Variants in STPG2 observed in about 807,000 individuals in gnomAD.
The protein encoded by STPG2 is sperm tail PG-rich repeat containing 2.
In STPG2, 56 loss-of-function variants were observed where a neutral mutation model predicts 54.2. That is an observed-to-expected ratio of 1.03 (90% confidence interval 0.83 to 1.29). The LOEUF (loss-of-function observed/expected upper bound fraction) is 1.29. Ranked by LOEUF, STPG2 falls within the 50% of genes most tolerant of loss-of-function variation. STPG2 has a pLI of 0.00. For synonymous variants in STPG2, 200 were observed against 181.8 expected, an observed-to-expected ratio of 1.10 and a Z score of -0.81; for missense variants, 596 against 544.9, an observed-to-expected ratio of 1.09 and a Z score of -0.93.
chr4:97,521,477 G>A (rs370353154), intron 4 of STPG2, among the ~76,000 whole-genome samples: 1 of 151,944 alleles, frequency 6.6e-6, no homozygotes, highest in East Asian at 1.9e-4. Flanking sequence ...GATCATTTGG[G>A]ATCATTACCC....
At chr4:97,983,656 A>G (rs765717450) in intron 5 of STPG2, among the ~76,000 whole-genome samples, 6 of 152,186 alleles carry the variant, frequency 3.9e-5, no homozygotes, top group Admixed American at 1.3e-4. Context: ...CCTACCCTGG[A>G]ATCAGTTATT....
chr4:97,872,143 AT>A (rs2149155610), intron 8 of STPG2, among the ~76,000 whole-genome samples: 1 of 151,230 alleles, frequency 6.6e-6, no homozygotes, highest in Non-Finnish European at 1.5e-5. Flanking sequence ...AAAATACTTT[AT>A]TGATAAAAAT....
chr4:98,106,148 C>A, intron 4 of STPG2, 84 bp from the exon 5 acceptor site: 1 of 950,990 alleles, frequency 1.1e-6, no homozygotes, highest in Non-Finnish European at 1.5e-6. Flanking sequence ...CTTTCTACAG[C>A]AACATGTCCT....
intron 4 of STPG2, among the ~76,000 whole-genome samples, chr4:97,484,525 C>T (rs1007286233): frequency 6.6e-6 from 1 of 151,676 alleles, no homozygotes; most frequent in African/African-American, 2.4e-5. Context: ...GAATTAGATA[C>T]TCTGAACACA....
At chr4:97,914,139 G>A (rs763295031) in intron 8 of STPG2, among the ~76,000 whole-genome samples, 21 of 152,118 alleles carry the variant, frequency 1.4e-4, no homozygotes, top group Admixed American at 5.9e-4. Context: ...CAACAAGCAC[G>A]AAAATCTCCC....
intron 4 of STPG2, among the ~76,000 whole-genome samples, chr4:97,539,222 G>T (rs1731626283): frequency 6.6e-6 from 1 of 152,166 alleles, no homozygotes; most frequent in Non-Finnish European, 1.5e-5. Flanking sequence ...TGGACTAAAT[G>T]CTCCAATTAA....
Position 98,038,429 on chromosome 4 carries a change from C to A in STPG2, c.613-57111G>T, listed in dbSNP as rs549511878. 7.9e-5 allele frequency among the ~76,000 whole-genome samples: 12 copies of A among 151,994 alleles called. No homozygotes were observed. In the South Asian group the frequency reaches 1.2e-3, roughly 16 times the overall value. On this transcript the variant is annotated intron_variant, in intron 5 of 10. Transcript: ENST00000295268. ...GAAACAATTTTTTTTTATTTTATTT[C>A]ATTTACTAGTACAATGTATATTACA...
intron 9 of STPG2, among the ~76,000 whole-genome samples, chr4:97,756,416 G>A (rs767999963): frequency 1.2e-4 from 19 of 152,220 alleles, no homozygotes; most frequent in African/African-American, 4.6e-4. Flanking sequence ...CCACCTCCTG[G>A]GTTCAAGCGA....
chr4:98,055,992 C>T (rs532532275), intron 5 of STPG2, among the ~76,000 whole-genome samples: 31 of 152,300 alleles, frequency 2.0e-4, no homozygotes, highest in African/African-American at 5.8e-4. Flanking sequence ...CCTCCCCATA[C>T]GGCAGCTTTC....
chr4:97,943,794 G>A (rs534447160), intron 8 of STPG2, 103 bp downstream of exon 8: 261 of 797,094 alleles, frequency 3.3e-4, no homozygotes, highest in East Asian at 7.9e-4. Flanking sequence ...GTTACAGCAC[G>A]CTACCAGTTA....
intron 10 of STPG2, among the ~76,000 whole-genome samples, chr4:97,597,246 C>A (rs1261566108): frequency 6.6e-6 from 1 of 151,788 alleles, no homozygotes; most frequent in Non-Finnish European, 1.5e-5. Context: ...TAATGAGTTG[C>A]AAAATTGAAT....
intron 4 of STPG2, among the ~76,000 whole-genome samples, chr4:97,497,246 A>T (rs1210097920): frequency 6.6e-6 from 1 of 151,944 alleles, no homozygotes; most frequent in African/African-American, 2.4e-5. Context: ...TAATTAGCAA[A>T]ACTCTTGATT....
At chr4:97,950,356 G>T (rs1733419858) in intron 7 of STPG2, among the ~76,000 whole-genome samples, 1 of 151,564 alleles carries the variant, frequency 6.6e-6, no homozygotes. Flanking sequence ...TTCAAGCACT[G>T]AAACTCTTTC....
chr4:98,105,041 T>C (rs991336324), intron 5 of STPG2, among the ~76,000 whole-genome samples: 3 of 152,238 alleles, frequency 2.0e-5, no homozygotes, highest in Admixed American at 1.3e-4. Context: ...CAAAGACTCA[T>C]ACGCTGCTGA....
chr4:97,972,417 T>C lies in STPG2; in HGVS notation c.796A>G (p.Asn266Asp), dbSNP rs778884270. The stretch of plus-strand genomic sequence containing the variant: ...CTAACACTGGCAATTATAGTATTGT[T>C]CAAGACATTATAAAATCCAGGACCT... ...MPGPGFYNVL[N>D]NTIIASVRNI... The change falls in exon 7 of 11, where the codon AAC becomes GAC. Residue 266 changes from asparagine to aspartate, a missense_variant. Asn to Asp is a conservative substitution (Grantham distance 23). Transcript: ENST00000295268. 5 of 1,567,708 alleles carry C rather than the reference T, an allele frequency of 3.2e-6. No homozygotes were observed. Among genetic ancestry groups the C allele is most frequent in the Non-Finnish European group, 4.3e-6 (5 of 1,155,946 alleles).
chr4:97,915,966 G>A (rs1731859359), intron 8 of STPG2, among the ~76,000 whole-genome samples: 1 of 152,082 alleles, frequency 6.6e-6, no homozygotes, highest in Non-Finnish European at 1.5e-5. Flanking sequence ...TAGCAGATGG[G>A]GCATAATTAG....
chr4:97,685,843 T>C (rs973482123), intron 10 of STPG2, among the ~76,000 whole-genome samples: 1 of 152,212 alleles, frequency 6.6e-6, no homozygotes, highest in Non-Finnish European at 1.5e-5. Context: ...AAAACTGCTC[T>C]AAAAATAATG....
chr4:97,461,489 T>C (rs919250407), intron 4 of STPG2, among the ~76,000 whole-genome samples: 9 of 152,178 alleles, frequency 5.9e-5, no homozygotes, highest in African/African-American at 2.2e-4. Context: ...CTAGCTAGCT[T>C]TCTTTTCATC....
At chr4:98,085,225 C>T (rs1427998886) in intron 5 of STPG2, among the ~76,000 whole-genome samples, 1 of 151,910 alleles carries the variant, frequency 6.6e-6, no homozygotes, top group Non-Finnish European at 1.5e-5. Context: ...ATTTTGGTAC[C>T]TTTGTCAAAA....
Sources: gnomAD v4.1 joint callset for allele counts (sites outside exome capture counted in the v4.1 genomes callset) on GRCh38, gnomAD v4.1.1 for gene constraint, MANE v1.5 for transcripts, NCBI Gene and HGNC (gene_info 2026-07-23, HGNC 2026-07-21) for gene names.